Variants in CLTCL1 observed in about 807,000 individuals in gnomAD.
The protein encoded by CLTCL1 is clathrin heavy chain like 1, also known as clathrin heavy chain 2.
CLTCL1 carries 159 observed loss-of-function variants against 190.0 expected under a neutral mutation model. That is an observed-to-expected ratio of 0.84 (90% CI 0.74 to 0.95). CLTCL1 has a LOEUF of 0.95. CLTCL1 is among the 40% of genes least tolerant of loss of function. CLTCL1 has a pLI of 0.00. For synonymous variants in CLTCL1, 752 were observed against 769.6 expected (o/e 0.98, Z 0.38); for missense variants, 1,878 against 2,033.4 (o/e 0.92, Z 1.47).
intron 2 of CLTCL1, among the ~76,000 whole-genome samples, chr22:19,273,513 T>C (rs1321399438): frequency 5.9e-5 from 9 of 152,076 alleles, no homozygotes; most frequent in African/African-American, 2.2e-4. Context: ...TAAACCACCT[T>C]GGAGAACACC....
In CLTCL1 at chr22:19,221,504, G is replaced by A. The variant is rs1555952322; in HGVS notation, c.2669C>T (p.Pro890Leu). Residue 890 changes from proline (P) to leucine (L), a missense_variant, in exon 17 of 33, where the codon CCC becomes CTC. Pro to Leu is a moderately conservative substitution (Grantham distance 98). Transcript: ENST00000427926. ...AKIYIDSNNS[P>L]ECFLRENAYY... ...GGCATTCTCTCTCAGGAAGCACTCGGGGCTGTTGTTGCTGTCGATGTAGAT... is the reference window on the plus strand; with the variant it reads ...GGCATTCTCTCTCAGGAAGCACTCGAGGCTGTTGTTGCTGTCGATGTAGAT... 6.2e-7 allele frequency: 1 copy of A among 1,603,266 alleles called. No individual in the cohort carries two copies. The highest frequency in any genetic ancestry group is 1.1e-5 in the South Asian group (1 of 88,848).
chr22:19,214,844 C>T (rs1241907819), intron 19 of CLTCL1, among the ~76,000 whole-genome samples: 3 of 152,132 alleles, frequency 2.0e-5, no homozygotes, highest in African/African-American at 7.2e-5. Context: ...TCATGCCTGG[C>T]TGAATTTTTA....
intron 24 of CLTCL1, among the ~76,000 whole-genome samples, chr22:19,199,445 T>C (rs1298841338): frequency 6.6e-6 from 1 of 152,120 alleles, no homozygotes; most frequent in Non-Finnish European, 1.5e-5. Context: ...GTTGTTCCCG[T>C]CATGCAAGCC....
intron 2 of CLTCL1, among the ~76,000 whole-genome samples, chr22:19,265,593 A>T (rs1057198669): frequency 3.3e-5 from 5 of 152,242 alleles, no homozygotes; most frequent in Admixed American, 2.0e-4. Flanking sequence ...AAATGAAGCT[A>T]TGCTGGAGTG....
intron 1 of CLTCL1, among the ~76,000 whole-genome samples, chr22:19,278,649 A>G (rs894759637): frequency 4.6e-5 from 7 of 152,198 alleles, no homozygotes; most frequent in Non-Finnish European, 8.8e-5. Flanking sequence ...TTCAAATTCC[A>G]TCATCCTCTC....
intron 18 of CLTCL1, 117 bp downstream of exon 18, chr22:19,219,768 G>C (rs1555951328): frequency 6.9e-7 from 1 of 1,455,354 alleles, no homozygotes; most frequent in Non-Finnish European, 9.4e-7. Flanking sequence ...TTACAGGCGT[G>C]AGCCACTGCC....
intron 20 of CLTCL1, 40 bp from the exon 21 acceptor site, chr22:19,209,154 AGTCAGCTCC>A: frequency 6.6e-7 from 1 of 1,510,144 alleles, no homozygotes. Context: ...TGCAACATCT[AGTCAGCTCC>A]AAAAAACAGA....
chr22:19,238,645 G>A (rs1236684660), intron 5 of CLTCL1: 3 of 194,436 alleles, frequency 1.5e-5, no homozygotes, highest in Admixed American at 1.4e-4. Context: ...CATGCCACAT[G>A]CAGGTTCAGG....
chr22:19,233,862 A>G (rs1028204883), intron 7 of CLTCL1, among the ~76,000 whole-genome samples: 1 of 152,230 alleles, frequency 6.6e-6, no homozygotes. Flanking sequence ...AGCATGCTGC[A>G]GTAAGAATTC....
chr22:19,276,621 T>C (rs2146301121), intron 1 of CLTCL1, among the ~76,000 whole-genome samples: 1 of 152,286 alleles, frequency 6.6e-6, no homozygotes, highest in East Asian at 1.9e-4. Context: ...TCTATAAATT[T>C]CTCTGCTCTG....
chr22:19,278,342 G>T (rs576628401), intron 1 of CLTCL1, among the ~76,000 whole-genome samples: 1 of 152,004 alleles, frequency 6.6e-6, no homozygotes, highest in Admixed American at 6.6e-5. Context: ...TGTGGCAGGC[G>T]AAGTCATGAA....
At chr22:19,245,946 TA>T (rs1555967750) in intron 3 of CLTCL1, among the ~76,000 whole-genome samples, 1 of 152,250 alleles carries the variant, frequency 6.6e-6, no homozygotes, top group African/African-American at 2.4e-5. Context: ...TTGGTTATTA[TA>T]AAAAATGCTA....
intron 11 of CLTCL1, among the ~76,000 whole-genome samples, chr22:19,227,112 A>G (rs2085770469): frequency 2.6e-5 from 4 of 151,874 alleles, no homozygotes; most frequent in Admixed American, 2.6e-4. Context: ...TCCTTGAATG[A>G]GCTCAAGCCT....
chr22:19,205,073 A>G (rs2146350218), intron 22 of CLTCL1, among the ~76,000 whole-genome samples: 1 of 144,092 alleles, frequency 6.9e-6, no homozygotes, highest in South Asian at 2.4e-4. Context: ...CAATTTCTAA[A>G]GTTACATGAT....
In CLTCL1 at chr22:19,208,155, T is replaced by C. The variant is rs1442194702; in HGVS notation, c.3599A>G (p.Gln1200Arg). 6.2e-7 allele frequency: 1 copy of C among 1,613,886 alleles called. No homozygotes were observed. The change falls in exon 22 of 33, where the codon CAG becomes CGG. Residue 1200 changes from glutamine to arginine, a missense_variant and splice_region_variant. Coordinates refer to ENST00000427926, the MANE Select transcript of CLTCL1 (RefSeq NM_007098.4). ...CAGCCCCCAGGGGGCATGGCCTACC[T>C]GCTGGATGTGGGCATTGTTGGGTCC... is the stretch of plus-strand genomic sequence containing the variant. The part of the protein sequence containing the change: ...INGPNNAHIQ[Q>R]VGDRCYEEGM...
intron 2 of CLTCL1, among the ~76,000 whole-genome samples, chr22:19,254,514 C>T (rs2086691194): frequency 6.6e-6 from 1 of 152,172 alleles, no homozygotes; most frequent in African/African-American, 2.4e-5. Flanking sequence ...CTGAAGCAAG[C>T]CTCTCTTTTA....
chr22:19,224,180 T>A (rs1174761048), intron 13 of CLTCL1, 126 bp from the exon 14 acceptor site: 17 of 881,062 alleles, frequency 1.9e-5, no homozygotes, highest in Non-Finnish European at 3.0e-5. Flanking sequence ...TCAGAACTCA[T>A]AATCAATATG....
intron 2 of CLTCL1, among the ~76,000 whole-genome samples, chr22:19,273,100 T>G (rs1202456062): frequency 2.0e-5 from 3 of 152,190 alleles, no homozygotes; most frequent in Non-Finnish European, 4.4e-5. Flanking sequence ...AGTCAAGGTG[T>G]GTGATATGGC....
chr22:19,225,245 C>T (rs1414419279), intron 13 of CLTCL1, among the ~76,000 whole-genome samples: 2 of 152,218 alleles, frequency 1.3e-5, no homozygotes, highest in Non-Finnish European at 2.9e-5. Context: ...TGATTTCTTC[C>T]TTTGGAAATA....
Sources: gnomAD v4.1 joint callset for allele counts (sites outside exome capture counted in the v4.1 genomes callset) on GRCh38, gnomAD v4.1.1 for gene constraint, MANE v1.5 for transcripts, NCBI Gene and HGNC (gene_info 2026-07-23, HGNC 2026-07-21) for gene names.